AFM: variants seen among roughly 807,000 people sequenced by gnomAD.
The protein encoded by AFM is afamin, also known as alpha-Alb.
A neutral mutation model predicts 68.7 loss-of-function variants in AFM; 82 were observed. The observed-to-expected ratio is 1.19, with a 90% CI of 1.00 to 1.43. The LOEUF is 1.43. Ranked by LOEUF, AFM falls within the 40% of genes most tolerant of loss-of-function variation. The probability of loss-of-function intolerance (pLI) is 0.00; values close to 1 mark genes in which losing one functional copy is unlikely to be tolerated. For missense variants in AFM, 772 were observed against 701.8 expected (o/e 1.10, Z -1.13); for synonymous variants, 250 against 234.2 (o/e 1.07, Z -0.61).
intron 6 of AFM, 83 bp from the exon 7 acceptor site, chr4:73,488,547 A>C (rs747843016): frequency 2.1e-5 from 25 of 1,206,976 alleles, no homozygotes; most frequent in African/African-American, 3.1e-5. Flanking sequence ...TTTTGTAGCT[A>C]TTCATATCAT....
In AFM at chr4:73,488,758, C is replaced by T. The variant is rs764897369; in HGVS notation, c.842C>T (p.Thr281Met). The T allele has an allele frequency of 4.2e-5, 68 of 1,603,328 alleles. No homozygotes were observed. The highest frequency in any genetic ancestry group is 3.4e-4 in the South Asian group (30 of 87,970). ...EGDVVQCIRD[T>M]SKVMNHICSK... ...GATGTTGTGCAGTGCATCCGTGACA[C>T]GGTGAATATTCTCTAAAACCAAGTT... The change falls in exon 7 of 15, where the codon ACG becomes ATG. Residue 281 changes from threonine (T) to methionine (M), a missense_variant and splice_region_variant. Transcript: ENST00000226355.
chr4:73,491,785 T>C (rs1721076130), intron 7 of AFM, 87 bp from the exon 8 acceptor site: 2 of 1,074,604 alleles, frequency 1.9e-6, no homozygotes, highest in African/African-American at 1.6e-5. Flanking sequence ...GATGCTGCGA[T>C]CATGACTGGT....
At chr4:73,492,792 CAAAAAAA>C (rs771473722) in intron 8 of AFM, among the ~76,000 whole-genome samples, 1 of 70,368 alleles carries the variant, frequency 1.4e-5, no homozygotes, top group Non-Finnish European at 3.3e-5. Flanking sequence ...GAGACTGTCT[CAAAAAAA>C]AAAAAAAAAA....
chr4:73,503,705 T>C (rs1198888668), intron 14 of AFM, among the ~76,000 whole-genome samples, 171 bp from the exon 15 acceptor site: 1 of 152,130 alleles, frequency 6.6e-6, no homozygotes, highest in African/African-American at 2.4e-5. Flanking sequence ...ATAGGAGTTA[T>C]ATACAGTGTC....
At position 73,499,253 on chromosome 4, in the gene AFM, A is replaced by G. The variant is rs756322308; in HGVS notation, c.1422+7A>G. The G allele has an allele frequency of 6.9e-6, 11 of 1,599,296 alleles. No homozygotes were observed. Among genetic ancestry groups the G allele is most frequent in the African/African-American group, 5.4e-5 (4 of 73,564 alleles). On this transcript the variant is annotated splice_region_variant and intron_variant, in intron 11 of 14. Coordinates refer to ENST00000226355, the MANE Select transcript of AFM (RefSeq NM_001133.2). ...TGCCTGTGTTGATAATTTGGTGAGCATGGCCTGTGTACCAGACTACTCTTT... is the reference window on the plus strand; with the variant it reads ...TGCCTGTGTTGATAATTTGGTGAGCGTGGCCTGTGTACCAGACTACTCTTT...
intron 8 of AFM, among the ~76,000 whole-genome samples, chr4:73,492,591 G>C (rs77466464): frequency 0.016 from 2,393 of 151,274 alleles, 26 homozygotes; most frequent in Non-Finnish European, 0.024. Context: ...TTGAGTTCTG[G>C]TTGAGTTGCT....
Position 73,485,750 on chromosome 4 carries a change from G to C in AFM, c.271-112G>C, listed in dbSNP as rs960959757. On this transcript the variant is annotated intron_variant, in intron 3 of 14. Transcript: ENST00000226355. The stretch of plus-strand genomic sequence containing the variant: ...GGGAAGGAGAGGAGTAGGAGAAAGA[G>C]AAGGAGCTCTGTTGGTAATGGTGGG... 1.3e-5 allele frequency: 10 copies of C among 784,004 alleles called. 1 individual carries two copies. The Middle Eastern group carries it at 1.0e-3, about 78-fold the overall frequency. 48.6% of individuals were successfully genotyped at this position (784,004 alleles called of 1,614,324 possible).
At position 73,501,889 on chromosome 4, in the gene AFM, A is replaced by C. The variant is rs1721434673; in HGVS notation, c.1749A>C (p.Ala583=). The C allele has an allele frequency of 1.2e-6, 2 of 1,613,494 alleles. No individual in the cohort carries two copies. The highest frequency in any genetic ancestry group is 2.7e-5 in the African/African-American group (2 of 75,044). The change falls in exon 13 of 15, where the codon GCA becomes GCC. Residue 583 remains alanine (A), a synonymous_variant. Transcript: ENST00000226355. ...FANVVDKCCK[A]ESPEVCFNEE... is the part of the protein sequence containing the mutation. The stretch of plus-strand genomic sequence containing the variant: ...ATGTAGTGGATAAGTGCTGCAAAGC[A>C]GAGAGTCCTGAAGTCTGCTTTAATG...
At chr4:73,484,430 G>A (rs752347422) in intron 3 of AFM, 40 bp downstream of exon 3, 1 of 1,367,158 alleles carries the variant, frequency 7.3e-7, no homozygotes, top group East Asian at 2.7e-5. Flanking sequence ...TTTATCTTAT[G>A]TCTTTCTTTC....
Position 73,488,642 on chromosome 4 carries a change from A to G in AFM, c.726A>G (p.Ile242Met). 1 of 1,610,504 alleles carries G rather than the reference A, an allele frequency of 6.2e-7. No individual in the cohort carries two copies. Residue 242 changes from isoleucine to methionine, a missense_variant, in exon 7 of 15, where the codon ATA becomes ATG. Ile to Met is a conservative substitution (Grantham distance 10, BLOSUM62 1). Coordinates refer to ENST00000226355, the MANE Select transcript of AFM (RefSeq NM_001133.2). ...ATTCTCTTTCCAGATATATTGCGAT[A>G]CTCAGTCAAAAATTCCCCAAGATTG... ...TKVVHFIYIA[I>M]LSQKFPKIEF...
intron 10 of AFM, 42 bp from the exon 11 acceptor site, chr4:73,499,072 A>G: frequency 6.3e-7 from 1 of 1,588,138 alleles, no homozygotes; most frequent in Non-Finnish European, 8.6e-7. Context: ...GAAAATGGGT[A>G]TCTGCTTTCA....
chr4:73,482,995 C>CA (rs767037913), intron 1 of AFM, among the ~76,000 whole-genome samples: 1 of 152,168 alleles, frequency 6.6e-6, no homozygotes, highest in Non-Finnish European at 1.5e-5. Flanking sequence ...AATCTGGGCC[C>CA]AGGTTCTTTC....
Position 73,485,994 on chromosome 4 carries a change from T to C in AFM, c.403T>C (p.Phe135Leu), listed in dbSNP as rs746440955. 6.2e-7 allele frequency: 1 copy of C among 1,614,060 alleles called. No individual in the cohort carries two copies. Among genetic ancestry groups the C allele is most frequent in the Non-Finnish European group, 8.5e-7 (1 of 1,179,968 alleles). The change falls in exon 4 of 15, where the codon TTT becomes CTT. Residue 135 changes from phenylalanine (F) to leucine (L), a missense_variant. By Grantham distance (22) the Phe-to-Leu change is conservative. Transcript: ENST00000226355. ...CTATAACAAGAAATCTGATGTGGGA[T>C]TTCTGCCTCCTTTCCCTACCCTGGA... ...FFYNKKSDVG[F>L]LPPFPTLDPE...
Position 73,485,026 on chromosome 4 carries a change from G to A in AFM, c.270+636G>A, listed in dbSNP as rs566210406. 2.6e-5 allele frequency among the ~76,000 whole-genome samples: 4 copies of A among 152,304 alleles called. No homozygotes were observed. The East Asian group carries it at 5.8e-4, about 22-fold the overall frequency. Reference sequence around the variant, plus strand: ...TTTTGATGCACAGAAGGAGATTGCTGTGTATTTGCAGTATGTATACAGTAT... The same window carrying A: ...TTTTGATGCACAGAAGGAGATTGCTATGTATTTGCAGTATGTATACAGTAT... On this transcript the variant is annotated intron_variant, in intron 3 of 14. Transcript: ENST00000226355.
chr4:73,495,317 C>A lies in AFM; in HGVS notation c.1076C>A (p.Ser359Ter), dbSNP rs774608957. The change falls in exon 9 of 15, where the codon TCA becomes TAA. Residue 359 changes from serine (S) to a stop codon, truncating the protein, a stop_gained. Coordinates refer to ENST00000226355, the MANE Select transcript of AFM (RefSeq NM_001133.2). LOFTEE classifies it high-confidence loss of function. ...TFFAKFTFEY[S>*]RRHPDLSIPE... The stretch of plus-strand genomic sequence containing the variant: ...CATTGCAGGTTTACTTTTGAATACT[C>A]AAGGAGACATCCAGACCTGTCTATA... The A allele has an allele frequency of 1.9e-6, 3 of 1,592,592 alleles. No individual in the cohort carries two copies.
intron 4 of AFM, among the ~76,000 whole-genome samples, chr4:73,486,658 A>G (rs1720909745): frequency 6.6e-6 from 1 of 152,230 alleles, no homozygotes; most frequent in Admixed American, 6.5e-5. Context: ...GACAATAGCC[A>G]CAGTTCAGTG....
rs1720801859 is a variant in AFM at position 73,484,319 on chromosome 4, G to C, written c.199G>C (p.Val67Leu). ...AACCTTTGAAGAAATGGAAAAGCTG[G>C]TGAAAGACATGGTAGAATACAAAGA... is the stretch of plus-strand genomic sequence containing the variant. ...EATFEEMEKL[V>L]KDMVEYKDRC... The change falls in exon 3 of 15, where the codon GTG becomes CTG. Residue 67 changes from valine (V) to leucine (L), a missense_variant. By Grantham distance (32) the Val-to-Leu change is conservative. Coordinates refer to ENST00000226355, the MANE Select transcript of AFM (RefSeq NM_001133.2). The C allele has an allele frequency of 8.1e-6, 13 of 1,613,470 alleles. No individual in the cohort carries two copies. The highest frequency in any genetic ancestry group is 1.1e-5 in the Non-Finnish European group (13 of 1,179,776).
intron 7 of AFM, among the ~76,000 whole-genome samples, chr4:73,489,317 T>C (rs893230173): frequency 1.3e-5 from 2 of 152,098 alleles, no homozygotes; most frequent in African/African-American, 4.8e-5. Context: ...TTCCCTTTCC[T>C]TTCTGGCCTT....
chr4:73,499,392 G>T, intron 11 of AFM, 146 bp downstream of exon 11: 1 of 871,452 alleles, frequency 1.1e-6, no homozygotes. Flanking sequence ...TTTTCCTTTT[G>T]GCTCACTTTG....
Sources: gnomAD v4.1 joint callset for allele counts (sites outside exome capture counted in the v4.1 genomes callset) on GRCh38, gnomAD v4.1.1 for gene constraint, MANE v1.5 for transcripts, NCBI Gene and HGNC (gene_info 2026-07-23, HGNC 2026-07-21) for gene names.